SEPTIN4: variants seen among roughly 807,000 people sequenced by gnomAD.
SEPTIN4 encodes the protein septin-4.
In SEPTIN4, 52 loss-of-function variants were observed where a neutral mutation model predicts 107.1. The observed-to-expected ratio is 0.49, with a 90% CI of 0.39 to 0.61. The LOEUF (loss-of-function observed/expected upper bound fraction) is 0.61, where lower values mean the gene tolerates loss of function less well. SEPTIN4 is among the 20% of genes least tolerant of loss of function. The pLI, the probability that SEPTIN4 is intolerant of heterozygous loss-of-function variation, is 0.00. For missense variants in SEPTIN4, 1,048 were observed against 1,243.5 expected (o/e 0.84, Z 2.36); for synonymous variants, 417 against 467.0 (o/e 0.89, Z 1.38).
intron 3 of SEPTIN4, 123 bp from the exon 4 acceptor site, chr17:58,527,101 G>A: frequency 6.6e-7 from 1 of 1,512,840 alleles, no homozygotes; most frequent in Non-Finnish European, 9.1e-7. Flanking sequence ...CTTGTGGTTA[G>A]AAGAAAAAGA....
At chr17:58,529,758 G>T (rs1432030792) in intron 3 of SEPTIN4, 1 of 151,610 alleles carries the variant, frequency 6.6e-6, no homozygotes, top group Non-Finnish European at 1.5e-5. Flanking sequence ...CCCCATATAG[G>T]TTTTTGTGGG....
chr17:58,543,044 T>C lies in SEPTIN4; in HGVS notation c.1143A>G (p.Glu381=). The stretch of plus-strand genomic sequence containing the variant: ...TAGGTCCTTGGGACATGTAAGTAAT[T>C]TCTGGGGGTTTTTGGGTTTGCTGTT... ...IYKQQTQKPP[E]ITYMSQGPTP... The change falls in exon 1 of 14, where the codon GAA becomes GAG. Residue 381 remains glutamate, a synonymous_variant. Transcript: ENST00000672673. The C allele has an allele frequency of 6.2e-7, 1 of 1,611,006 alleles. No individual in the cohort carries two copies.
intron 3 of SEPTIN4, chr17:58,529,991 G>C (rs1241514512): frequency 1.3e-5 from 2 of 152,154 alleles, no homozygotes; most frequent in African/African-American, 4.8e-5. Flanking sequence ...TGTCAACAGG[G>C]GAGCTGTTAG....
chr17:58,542,036 C>A, intron 1 of SEPTIN4, 70 bp from the exon 2 acceptor site: 4 of 1,543,426 alleles, frequency 2.6e-6, no homozygotes, highest in Non-Finnish European at 3.5e-6. Flanking sequence ...CCACTACTTG[C>A]AGCTCCCTTT....
Position 58,543,932 on chromosome 17 carries a change from A to G in SEPTIN4, c.255T>C (p.Pro85=). ...TTCTTGGTCCAGTCTCGGGTCCCCG[A>G]GGAGTGGGTACTGCATAGTGTCCAG... ...SGPGHYAVPT[P]RGPETGPRTE... is the part of the protein sequence containing the mutation. The change falls in exon 1 of 14, where the codon CCT becomes CCC. Residue 85 remains proline (P), a synonymous_variant. Transcript: ENST00000672673. The G allele has an allele frequency of 6.2e-7, 1 of 1,613,868 alleles. No homozygotes were observed. Among genetic ancestry groups the G allele is most frequent in the Non-Finnish European group, 8.5e-7 (1 of 1,179,916 alleles).
rs1038972067 is a variant in SEPTIN4 at position 58,528,079 on chromosome 17, G to T, written c.1615-1101C>A. 5.1e-6 allele frequency: 5 copies of T among 972,940 alleles called. No homozygotes were observed. The African/African-American group carries it at 7.0e-5, about 14-fold the overall frequency. 60.3% of individuals were successfully genotyped at this position (972,940 alleles called of 1,614,324 possible). ...CTCAGCTCTGCCTCACAATACCCAC[G>T]TGCCACCCCCAGACAATGGACAAGG... On this transcript the variant is annotated intron_variant, in intron 3 of 13. Coordinates refer to ENST00000672673, the MANE Select transcript of SEPTIN4 (RefSeq NM_001368771.2).
At chr17:58,524,934 G>A in intron 7 of SEPTIN4, 144 bp downstream of exon 7, 1 of 959,634 alleles carries the variant, frequency 1.0e-6, no homozygotes, top group South Asian at 1.6e-5. Context: ...AGGAGGAGAT[G>A]GCTGTCCAGT....
chr17:58,520,540 G>C (rs2042148570), intron 13 of SEPTIN4, 55 bp from the exon 14 acceptor site: 7 of 1,602,040 alleles, frequency 4.4e-6, no homozygotes, highest in Non-Finnish European at 6.0e-6. Context: ...TTTAGTATTG[G>C]GAAAGTGCCC....
rs370276439 is a variant in SEPTIN4 at position 58,526,927 on chromosome 17, C to T, written c.1666G>A (p.Val556Met). The T allele has an allele frequency of 3.5e-5, 56 of 1,613,992 alleles. No homozygotes were observed. In the Admixed American group the frequency reaches 6.7e-4, roughly 19 times the overall value. The change falls in exon 4 of 14, where the codon GTG becomes ATG. Residue 556 changes from valine (V) to methionine (M), a missense_variant. By Grantham distance (21) the Val-to-Met change is conservative (BLOSUM62 1). Around this residue, in one of 2 missense-constraint regions of SEPTIN4, gnomAD observed 787 missense variants for 871.8 expected, o/e 0.90. Coordinates refer to ENST00000672673, the MANE Select transcript of SEPTIN4 (RefSeq NM_001368771.2). Reference protein sequence around the residue: ...TTDDGELSKFVKDFSGNASCH... With the variant: ...TTDDGELSKFMKDFSGNASCH... ...CTCGCATTTCCTGAGAAATCCTTCA[C>T]GAACTTGCTCAGTTCTCCATCATCC...
intron 4 of SEPTIN4, 85 bp downstream of exon 4, chr17:58,526,597 C>T (rs1253292212): frequency 8.7e-6 from 13 of 1,488,116 alleles, no homozygotes; most frequent in Non-Finnish European, 1.1e-5. Context: ...CACACACACA[C>T]ACACACACAC....
In SEPTIN4 at chr17:58,526,921, C is replaced by G. The variant is rs1206835368; in HGVS notation, c.1672G>C (p.Asp558His). 1 of 1,614,132 alleles carries G rather than the reference C, an allele frequency of 6.2e-7. No individual in the cohort carries two copies. Among genetic ancestry groups the G allele is most frequent in the Non-Finnish European group, 8.5e-7 (1 of 1,180,036 alleles). Residue 558 changes from aspartate to histidine, a missense_variant, in exon 4 of 14, where the codon GAT becomes CAT. Physicochemically the swap from Asp to His is moderately conservative, Grantham distance 81. Transcript: ENST00000672673. ...TGGCAGCTCGCATTTCCTGAGAAAT[C>G]CTTCACGAACTTGCTCAGTTCTCCA... ...DDGELSKFVK[D>H]FSGNASCHPP...
intron 6 of SEPTIN4, 25 bp downstream of exon 6, chr17:58,525,670 C>A: frequency 1.2e-6 from 2 of 1,601,598 alleles, no homozygotes; most frequent in Non-Finnish European, 1.7e-6. Context: ...GGCAAGTCTG[C>A]CTGATTGTCC....
intron 3 of SEPTIN4, among the ~76,000 whole-genome samples, chr17:58,532,801 G>T (rs1314019325): frequency 6.6e-6 from 1 of 152,198 alleles, no homozygotes; most frequent in East Asian, 1.9e-4. Context: ...CAGGTGAGAT[G>T]CCGAGGGGAC....
rs1174336250 is a variant in SEPTIN4 at position 58,520,792 on chromosome 17, G to C, written c.2882C>G (p.Pro961Arg). ...GTDFPIPAVPPGTDPETEKLI... is the reference protein window; with the variant it reads ...GTDFPIPAVPRGTDPETEKLI... ...CTTCTCAGTTTCTGGATCTGTCCCT[G>C]GTGGGACAGCAGGGATGGGGAAGTC... Residue 961 changes from proline to arginine, a missense_variant, in exon 13 of 14, where the codon CCA becomes CGA. By Grantham distance (103) the Pro-to-Arg change is moderately radical. Around this residue, in one of 2 missense-constraint regions of SEPTIN4, gnomAD observed 261 missense variants for 371.7 expected, o/e 0.70. Coordinates refer to ENST00000672673, the MANE Select transcript of SEPTIN4 (RefSeq NM_001368771.2). 7 of 1,614,016 alleles carry C rather than the reference G, an allele frequency of 4.3e-6. No individual in the cohort carries two copies. The African/African-American group carries it at 5.3e-5, about 12-fold the overall frequency.
rs749485958 is a variant in SEPTIN4 at position 58,520,818 on chromosome 17, G to A, written c.2856C>T (p.Thr952=). ...GTGGGACAGCAGGGATGGGGAAGTC[G>A]GTACCACTTTCCCGAGTCAGTTTGC... The part of the protein sequence containing the change: ...NRNKLTRESG[T]DFPIPAVPPG... Residue 952 remains threonine, a synonymous_variant, in exon 13 of 14, where the codon ACC becomes ACT. Coordinates refer to ENST00000672673, the MANE Select transcript of SEPTIN4 (RefSeq NM_001368771.2). The A allele has an allele frequency of 3.1e-6, 5 of 1,613,608 alleles. No individual in the cohort carries two copies. The highest frequency in any genetic ancestry group is 2.5e-6 in the Non-Finnish European group (3 of 1,179,934).
In SEPTIN4 at chr17:58,521,878, C is replaced by A; in HGVS notation, c.2352-25G>T. 6.2e-7 allele frequency: 1 copy of A among 1,614,236 alleles called. No homozygotes were observed. The highest frequency in any genetic ancestry group is 8.5e-7 in the Non-Finnish European group (1 of 1,180,036). On this transcript the variant is annotated intron_variant, in intron 8 of 13. Coordinates refer to ENST00000672673, the MANE Select transcript of SEPTIN4 (RefSeq NM_001368771.2). This position sits in a 1 kb window ranked among gnomAD's most constrained non-coding sequence, Gnocchi z 6.4. ...CCTGGGGAACAGGAACCTGTGACCA[C>A]CTGCTAGTGGCAGCCCTGCCCCTGG...
At chr17:58,539,455 C>T (rs2043819332) in intron 3 of SEPTIN4, among the ~76,000 whole-genome samples, 1 of 152,182 alleles carries the variant, frequency 6.6e-6, no homozygotes, top group Non-Finnish European at 1.5e-5. Flanking sequence ...CATCCCCTGG[C>T]TTTGGAAAGG....
chr17:58,536,187 C>T (rs368466734), intron 3 of SEPTIN4, among the ~76,000 whole-genome samples: 5 of 152,222 alleles, frequency 3.3e-5, no homozygotes, highest in Admixed American at 2.6e-4. Flanking sequence ...GATGAACAAA[C>T]TCTGAGCCTC....
At chr17:58,532,552 C>T (rs1024588405) in intron 3 of SEPTIN4, among the ~76,000 whole-genome samples, 2 of 152,232 alleles carry the variant, frequency 1.3e-5, no homozygotes, top group Non-Finnish European at 2.9e-5. Context: ...TCCACCCGAG[C>T]TGTGAAGGGG....
Sources: gnomAD v4.1 joint callset for allele counts (sites outside exome capture counted in the v4.1 genomes callset) on GRCh38, gnomAD v4.1.1 for gene constraint, gnomAD v4.1.1 regional missense constraint, Gnocchi (gnomAD v3.1) non-coding constraint, MANE v1.5 for transcripts, NCBI Gene and HGNC (gene_info 2026-07-23, HGNC 2026-07-21) for gene names.